TMEM132D: variants seen among roughly 807,000 people sequenced by gnomAD.
The protein encoded by TMEM132D is mature OL transmembrane protein.
A neutral mutation model predicts 62.3 loss-of-function variants in TMEM132D; 21 were observed. That is an observed-to-expected ratio of 0.34 (90% confidence interval 0.24 to 0.49). The LOEUF is 0.49. Among genes scored for constraint, TMEM132D ranks in the 20% least tolerant of loss-of-function variants. TMEM132D has a pLI of 0.99. For synonymous variants in TMEM132D, 621 were observed against 575.6 expected (o/e 1.08, Z -1.13); for missense variants, 1,346 against 1,402.8 (o/e 0.96, Z 0.65).
At chr12:129,833,188 T>C (rs933280150) in intron 1 of TMEM132D, among the ~76,000 whole-genome samples, 1 of 152,240 alleles carries the variant, frequency 6.6e-6, no homozygotes, top group Non-Finnish European at 1.5e-5. Flanking sequence ...CTCGCATTGA[T>C]GTGTGACCCA....
chr12:129,805,220 G>C (rs1871939886), intron 1 of TMEM132D, among the ~76,000 whole-genome samples: 1 of 151,962 alleles, frequency 6.6e-6, no homozygotes, highest in Non-Finnish European at 1.5e-5. Flanking sequence ...CCAAAAAAGA[G>C]CCCGCATCAC....
chr12:129,409,052 C>A (rs1194560250), intron 3 of TMEM132D, among the ~76,000 whole-genome samples: 2 of 152,070 alleles, frequency 1.3e-5, no homozygotes, highest in South Asian at 2.1e-4. Context: ...TTTGCCTCAG[C>A]CCCCCAAGTA....
At position 129,732,999 on chromosome 12, in the gene TMEM132D, A is replaced by T. The variant is rs1032411316; in HGVS notation, c.80-32301T>A. 4.6e-5 allele frequency among the ~76,000 whole-genome samples: 7 copies of T among 152,288 alleles called. 2 individuals are homozygous for T. In the South Asian group the frequency reaches 8.3e-4, roughly 18 times the overall value. ...GCTGGGTATCATGGATCCCATGGGG[A>T]CAGAGACAGAGGCTCTGTGTCACCC... On this transcript the variant is annotated intron_variant, in intron 1 of 8. Transcript: ENST00000422113.
At chr12:129,601,773 A>G (rs888264480) in intron 2 of TMEM132D, among the ~76,000 whole-genome samples, 13 of 152,296 alleles carry the variant, frequency 8.5e-5, no homozygotes, top group African/African-American at 3.1e-4. Context: ...GGAGCCACAA[A>G]CAATAGTAAC....
intron 5 of TMEM132D, among the ~76,000 whole-genome samples, chr12:129,188,769 G>C (rs1465266906): frequency 0.017 from 66 of 3,922 alleles, no homozygotes; most frequent in Admixed American, 0.025. Context: ...GAGGGAGAGA[G>C]AGAGAGAGAG....
intron 2 of TMEM132D, among the ~76,000 whole-genome samples, chr12:129,697,120 G>A (rs1468279633): frequency 6.6e-6 from 1 of 152,120 alleles, no homozygotes; most frequent in Non-Finnish European, 1.5e-5. Flanking sequence ...GTGGTCAGTC[G>A]CTATCAACAA....
chr12:129,767,442 A>G (rs745585730), intron 1 of TMEM132D, among the ~76,000 whole-genome samples: 3 of 152,082 alleles, frequency 2.0e-5, no homozygotes, highest in Non-Finnish European at 4.4e-5. Context: ...ACCCACCCCC[A>G]GAACTCTTTT....
intron 6 of TMEM132D, among the ~76,000 whole-genome samples, chr12:129,083,464 C>T (rs543671976): frequency 9.9e-5 from 15 of 152,284 alleles, no homozygotes; most frequent in Admixed American, 5.9e-4. Context: ...CCCTCCGCAG[C>T]GCCAACGGTC....
At chr12:129,829,446 T>C (rs1337124429) in intron 1 of TMEM132D, among the ~76,000 whole-genome samples, 2 of 152,038 alleles carry the variant, frequency 1.3e-5, no homozygotes, top group African/African-American at 4.8e-5. Context: ...TTTTATGGGA[T>C]TGGCAAGGTG....
At chr12:129,781,432 G>T (rs1471761051) in intron 1 of TMEM132D, among the ~76,000 whole-genome samples, 1 of 152,136 alleles carries the variant, frequency 6.6e-6, no homozygotes, top group Non-Finnish European at 1.5e-5. Context: ...CAAAGACGTT[G>T]TATATTATAA....
intron 1 of TMEM132D, chr12:129,853,055 T>G (rs1490068495): frequency 6.6e-6 from 1 of 152,172 alleles, no homozygotes; most frequent in East Asian, 1.9e-4. Flanking sequence ...CATCCTCCAC[T>G]CTAAACATCC....
intron 2 of TMEM132D, among the ~76,000 whole-genome samples, chr12:129,589,454 G>C (rs1437077284): frequency 1.3e-5 from 2 of 152,162 alleles, no homozygotes; most frequent in Non-Finnish European, 2.9e-5. Context: ...CATGGGGGAA[G>C]GGATGGACAA....
chr12:129,773,576 C>A (rs950843250), intron 1 of TMEM132D, among the ~76,000 whole-genome samples: 2 of 152,048 alleles, frequency 1.3e-5, no homozygotes, highest in Admixed American at 6.6e-5. Context: ...TCACTTCTCC[C>A]GAGAACAGAG....
At chr12:129,610,256 G>A (rs1227904942) in intron 2 of TMEM132D, among the ~76,000 whole-genome samples, 4 of 143,430 alleles carry the variant, frequency 2.8e-5, no homozygotes, top group East Asian at 2.0e-4. Context: ...CAGCCTGGGC[G>A]ACAAGAGCAA....
rs1874112166 is a variant in TMEM132D at position 129,868,042 on chromosome 12, C to A, written c.79+35219G>T. On this transcript the variant is annotated intron_variant, in intron 1 of 8. Coordinates refer to ENST00000422113, the MANE Select transcript of TMEM132D (RefSeq NM_133448.3). Reference sequence around the variant, plus strand: ...TACATGAGGTGGCGTTTCTATGGTACACACATGAGACAGCGTTTCTATGGT... The same window carrying A: ...TACATGAGGTGGCGTTTCTATGGTAAACACATGAGACAGCGTTTCTATGGT... Among the ~76,000 whole-genome samples, 6 of 152,182 alleles carry A rather than the reference C, an allele frequency of 3.9e-5. No homozygotes were observed. The South Asian group carries it at 1.2e-3, about 32-fold the overall frequency.
rs906894054 is a variant in TMEM132D, at chr12:129,699,686, T to G, written c.968+124A>C. 1.9e-5 allele frequency: 24 copies of G among 1,235,624 alleles called. No individual in the cohort carries two copies. The African/African-American group carries it at 2.7e-4, about 14-fold the overall frequency. The allele number at this position is 1,235,624 out of a possible 1,614,324, so 76.5% of individuals were successfully genotyped here. On this transcript the variant is annotated intron_variant, in intron 2 of 8. Coordinates refer to ENST00000422113, the MANE Select transcript of TMEM132D (RefSeq NM_133448.3). ...TGTATTCCACGGTGCAGATGGAGTT[T>G]GTAAGAACGGGAAGGCCGGCTCTAC...
chr12:129,230,060 A>T (rs1337744001), intron 4 of TMEM132D, among the ~76,000 whole-genome samples: 1 of 152,254 alleles, frequency 6.6e-6, no homozygotes, highest in Non-Finnish European at 1.5e-5. Context: ...AATTAAGATT[A>T]TTCTGGGAGG....
intron 1 of TMEM132D, among the ~76,000 whole-genome samples, chr12:129,812,817 T>G (rs1002618615): frequency 6.6e-6 from 1 of 151,684 alleles, no homozygotes; most frequent in Admixed American, 6.6e-5. Flanking sequence ...CCATACTGTC[T>G]CCCTAAGAGT....
At chr12:129,198,828 T>G (rs1440004151) in intron 5 of TMEM132D, among the ~76,000 whole-genome samples, 2 of 152,222 alleles carry the variant, frequency 1.3e-5, no homozygotes, top group African/African-American at 4.8e-5. Context: ...GTGAAGGATA[T>G]GTTAATTAGT....
Sources: allele counts gnomAD v4.1 joint callset (sites outside exome capture counted in the v4.1 genomes callset), GRCh38; gene constraint gnomAD v4.1.1; transcripts MANE v1.5; gene names NCBI Gene and HGNC (gene_info 2026-07-23, HGNC 2026-07-21).